RAF1: variants seen among roughly 807,000 people sequenced by gnomAD.
RAF1 encodes the protein Raf-1 proto-oncogene, serine/threonine kinase.
Under a neutral mutation model 81.1 loss-of-function variants are expected in RAF1, and 27 were observed. That is an observed-to-expected ratio of 0.33 (90% CI 0.25 to 0.46). The LOEUF (loss-of-function observed/expected upper bound fraction) is 0.46. RAF1 is among the 20% of genes least tolerant of loss of function. The pLI is 1.00. For missense variants in RAF1, 598 were observed against 826.0 expected (o/e 0.72, Z 3.38); for synonymous variants, 298 against 294.0 (o/e 1.01, Z -0.14).
intron 8 of RAF1, among the ~76,000 whole-genome samples, chr3:12,602,444 T>G (rs1433121313): frequency 6.6e-6 from 1 of 152,166 alleles, no homozygotes; most frequent in Non-Finnish European, 1.5e-5. Context: ...CTCAAACTCC[T>G]GGGCTCAAGT....
intron 1 of RAF1, among the ~76,000 whole-genome samples, chr3:12,634,379 G>T (rs994573336): frequency 6.6e-5 from 10 of 151,148 alleles, no homozygotes; most frequent in Non-Finnish European, 4.4e-5. Context: ...TCAAACTCCT[G>T]ATCTCAGGTG....
chr3:12,584,745 G>A (rs2058267506), intron 17 of RAF1, 88 bp from the exon 17 acceptor site: 4 of 1,612,800 alleles, frequency 2.5e-6, no homozygotes, highest in Non-Finnish European at 2.5e-6. Flanking sequence ...AGAGGACCTG[G>A]GTCCCCTCCC....
chr3:12,650,838 C>T (rs1242477802), intron 1 of RAF1, among the ~76,000 whole-genome samples: 3 of 152,110 alleles, frequency 2.0e-5, no homozygotes, highest in African/African-American at 4.8e-5. Flanking sequence ...TCTTAAGAAA[C>T]ATACTATAAG....
At chr3:12,614,243 A>G (rs1009430672) in intron 2 of RAF1, among the ~76,000 whole-genome samples, 1 of 152,258 alleles carries the variant, frequency 6.6e-6, no homozygotes, top group African/African-American at 2.4e-5. Flanking sequence ...AGCATTCTTT[A>G]AAAGTTTCTT....
intron 5 of RAF1, 37 bp downstream of exon 5, chr3:12,608,729 A>G (rs767632536): frequency 6.2e-7 from 1 of 1,603,628 alleles, no homozygotes; most frequent in African/African-American, 1.3e-5. Context: ...TATACTCCTC[A>G]TCCCTATCTT....
rs1050800692 is a variant in RAF1 at position 12,584,264 on chromosome 3, G to C, written c.*250C>G. Reference sequence around the variant, plus strand: ...TCCACTTGCGCATCTACAGAAGGCTGGGCCTTGAGCATGGGGAATGTGGGG... The same window carrying C: ...TCCACTTGCGCATCTACAGAAGGCTCGGCCTTGAGCATGGGGAATGTGGGG... On this transcript the variant is annotated 3_prime_UTR_variant, in exon 18 of 18. Coordinates refer to ENST00000442415, the MANE Select transcript of RAF1 (RefSeq NM_001354689.3). 2 of 544,454 alleles carry C rather than the reference G, an allele frequency of 3.7e-6. No homozygotes were observed. The highest frequency in any genetic ancestry group is 3.8e-5 in the African/African-American group (2 of 53,012). 33.7% of individuals were successfully genotyped at this position (544,454 alleles called of 1,614,324 possible). A position where few individuals can be genotyped will look rare whatever the true frequency, so the allele number is the denominator to read the frequency against.
At chr3:12,596,583 G>A (rs2125365779) in intron 11 of RAF1, among the ~76,000 whole-genome samples, 1 of 152,310 alleles carries the variant, frequency 6.6e-6, no homozygotes, top group East Asian at 1.9e-4. Context: ...TTTAAATCAT[G>A]CACCTGAGGC....
At chr3:12,628,957 G>A (rs555201886) in intron 1 of RAF1, among the ~76,000 whole-genome samples, 5 of 152,104 alleles carry the variant, frequency 3.3e-5, no homozygotes, top group African/African-American at 1.2e-4. Flanking sequence ...TACCATGTTG[G>A]CCAGGCTGGT....
In RAF1 at chr3:12,585,229, C is replaced by A. The variant is rs2125322844; in HGVS notation, c.1621G>T (p.Asp541Tyr). ...GACTGGAAACTGAATGGGTTGTTAT[C>A]CTGCATTCGGATCACCTCTGGGGCC... The change falls in exon 16 of 18, where the codon GAT becomes TAT. Residue 541 changes from aspartate (D) to tyrosine (Y), a missense_variant. Coordinates refer to ENST00000442415, the MANE Select transcript of RAF1 (RefSeq NM_001354689.3). The A allele has an allele frequency of 6.2e-7, 1 of 1,614,114 alleles. No individual in the cohort carries two copies. The highest frequency in any genetic ancestry group is 8.5e-7 in the Non-Finnish European group (1 of 1,180,016).
intron 11 of RAF1, among the ~76,000 whole-genome samples, chr3:12,596,632 T>G (rs2058694866): frequency 6.6e-6 from 1 of 152,198 alleles, no homozygotes; most frequent in East Asian, 1.9e-4. Flanking sequence ...TTTACTTCCA[T>G]AAGTGGGTGG....
intron 13 of RAF1, chr3:12,587,848 T>A (rs1559403422): frequency 2.2e-6 from 1 of 458,832 alleles, no homozygotes; most frequent in Non-Finnish European, 3.9e-6. Context: ...TTTTTTTTTT[T>A]TTTTTTGGAG....
intron 5 of RAF1, 135 bp from the exon 6 acceptor site, chr3:12,606,434 C>T: frequency 1.4e-6 from 1 of 704,162 alleles, no homozygotes; most frequent in Non-Finnish European, 2.6e-6. Context: ...AACTGTTTTA[C>T]ATTACCTAGA....
At position 12,590,925 on chromosome 3, in the gene RAF1, C is replaced by T. The variant is rs201553362; in HGVS notation, c.1303G>A (p.Asp435Asn). The change falls in exon 13 of 18, where the codon GAC becomes AAC. Residue 435 changes from aspartate (D) to asparagine (N), a missense_variant. Transcript: ENST00000442415. ...CACTGGGTCACAATTGCCAGGTTGTCCTTTGTCATGTACCCCATGAAAAGC... is the reference window on the plus strand; with the variant it reads ...CACTGGGTCACAATTGCCAGGTTGTTCTTTGTCATGTACCCCATGAAAAGC... The T allele has an allele frequency of 1.2e-6, 2 of 1,613,900 alleles. No individual in the cohort carries two copies. Among genetic ancestry groups the T allele is most frequent in the East Asian group, 2.2e-5 (1 of 44,876 alleles).
chr3:12,637,770 T>C (rs988491914), intron 1 of RAF1, among the ~76,000 whole-genome samples: 5 of 151,914 alleles, frequency 3.3e-5, no homozygotes, highest in Admixed American at 6.6e-5. Context: ...GGAAAAGCGC[T>C]TGAACCCGAG....
chr3:12,608,526 G>A (rs1359542525), intron 5 of RAF1: 9 of 554,546 alleles, frequency 1.6e-5, no homozygotes, highest in Non-Finnish European at 2.9e-5. Flanking sequence ...CACAGTCACA[G>A]TATGTCAATC....
intron 1 of RAF1, among the ~76,000 whole-genome samples, chr3:12,627,652 CAA>C (rs958972878): frequency 6.6e-6 from 1 of 150,872 alleles, no homozygotes; most frequent in Admixed American, 6.6e-5. Flanking sequence ...CTAGGTTCAC[CAA>C]AAAAAAATTG....
At chr3:12,601,056 G>T (rs61762462) in intron 8 of RAF1, among the ~76,000 whole-genome samples, 58 of 152,242 alleles carry the variant, frequency 3.8e-4, no homozygotes, top group African/African-American at 1.3e-3. Flanking sequence ...TGGATTCTGG[G>T]GGAAGCTCAC....
rs1429579236 is a variant in RAF1 at position 12,598,741 on chromosome 3, A to AC, written c.1168+949_1168+950insG. 1.1e-4 allele frequency among the ~76,000 whole-genome samples: 17 copies of AC among 149,498 alleles called. 1 individual carries two copies. The highest frequency in any genetic ancestry group is 2.1e-4 in the Non-Finnish European group (14 of 67,392). On this transcript the variant is annotated intron_variant, in intron 11 of 17. Transcript: ENST00000442415. ...AATCTATCTCAAAAAAAAAAAAAAAAAAAAAAAAAAAACCACCAAGTACTC... is the reference window on the plus strand; with the variant it reads ...AATCTATCTCAAAAAAAAAAAAAAAACAAAAAAAAAAAACCACCAAGTACTC...
chr3:12,610,436 A>T (rs1039977497), intron 3 of RAF1, among the ~76,000 whole-genome samples: 1 of 152,152 alleles, frequency 6.6e-6, no homozygotes, highest in African/African-American at 2.4e-5. Context: ...CCTAGTGACA[A>T]TCTGCTGTCT....
Sources: allele counts gnomAD v4.1 joint callset (sites outside exome capture counted in the v4.1 genomes callset), GRCh38; gene constraint gnomAD v4.1.1; transcripts MANE v1.5; gene names NCBI Gene and HGNC (gene_info 2026-07-23, HGNC 2026-07-21).